Variants in GKAP1 observed in about 807,000 individuals in gnomAD.
GKAP1 encodes the protein G kinase anchoring protein 1, also known as G kinase-anchoring protein 1.
In GKAP1, 31 loss-of-function variants were observed where a neutral mutation model predicts 56.7. That is an observed-to-expected ratio of 0.55 (90% confidence interval 0.41 to 0.74). The LOEUF is 0.74. Ranked by LOEUF, GKAP1 falls within the 30% of genes least tolerant of loss-of-function variation. GKAP1 has a pLI of 0.00. For missense variants in GKAP1, 364 were observed against 402.3 expected, an observed-to-expected ratio of 0.90 and a Z score of 0.82; for synonymous variants, 151 against 138.6, an observed-to-expected ratio of 1.09 and a Z score of -0.63.
chr9:83,753,079 A>AT (rs141957346), intron 9 of GKAP1, among the ~76,000 whole-genome samples, 179 bp downstream of exon 9: 77,471 of 142,886 alleles, frequency 0.54, 21,287 homozygotes, highest in Admixed American at 0.69. Context: ...CAACAACAAC[A>AT]ACATAAATAA....
At chr9:83,788,752 T>C in intron 4 of GKAP1, 74 bp from the exon 5 acceptor site, 1 of 827,426 alleles carries the variant, frequency 1.2e-6, no homozygotes, top group African/African-American at 1.7e-5. Flanking sequence ...TACATATTAC[T>C]ATATACAGAG....
At chr9:83,742,908 G>C (rs1258457326) in intron 10 of GKAP1, among the ~76,000 whole-genome samples, 1 of 152,172 alleles carries the variant, frequency 6.6e-6, no homozygotes, top group Non-Finnish European at 1.5e-5. Flanking sequence ...TATAATCCCA[G>C]CACTTTGGGA....
At chr9:83,757,234 G>A (rs940349610) in intron 8 of GKAP1, among the ~76,000 whole-genome samples, 8 of 152,166 alleles carry the variant, frequency 5.3e-5, no homozygotes, top group Non-Finnish European at 1.5e-5. Flanking sequence ...CTTGAATAAA[G>A]CTGGGACCCA....
intron 2 of GKAP1, among the ~76,000 whole-genome samples, chr9:83,808,422 C>T (rs1944467306): frequency 6.6e-6 from 1 of 152,024 alleles, no homozygotes; most frequent in South Asian, 2.1e-4. Context: ...ATAGTGAGAC[C>T]CTGTCTCTAC....
intron 12 of GKAP1, among the ~76,000 whole-genome samples, 173 bp from the exon 13 acceptor site, chr9:83,739,917 T>A (rs1435448236): frequency 6.6e-6 from 1 of 152,196 alleles, no homozygotes; most frequent in Non-Finnish European, 1.5e-5. Flanking sequence ...AATATGGTTA[T>A]TTTTTATAAA....
At chr9:83,806,613 G>GT in intron 2 of GKAP1, 53 bp from the exon 3 acceptor site, 4 of 1,003,376 alleles carry the variant, frequency 4.0e-6, no homozygotes, top group Non-Finnish European at 4.4e-6. Context: ...AGTAAAATCT[G>GT]TTGTAGATTC....
chr9:83,799,301 G>C lies in GKAP1; in HGVS notation c.244C>G (p.Pro82Ala), dbSNP rs1944295163. ...CAAACAGCATGGGAGGATTTCTGGGGAATTTTCTTAAAAGCAAGATTCCTG... is the reference window on the plus strand; with the variant it reads ...CAAACAGCATGGGAGGATTTCTGGGCAATTTTCTTAAAAGCAAGATTCCTG... ...ELRNLAFKKI[P>A]QKSSHAVCNA... Residue 82 changes from proline to alanine, a missense_variant, in exon 4 of 13, where the codon CCC (proline) becomes GCC (alanine). Physicochemically the swap from Pro to Ala is conservative, Grantham distance 27. Transcript: ENST00000376371. The C allele has an allele frequency of 6.3e-7, 1 of 1,594,544 alleles. No individual in the cohort carries two copies. Among genetic ancestry groups the C allele is most frequent in the African/African-American group, 1.4e-5 (1 of 73,476 alleles).
At position 83,756,791 on chromosome 9, in the gene GKAP1, T is replaced by C. The variant is rs1343907450; in HGVS notation, c.739-3432A>G. Among the ~76,000 whole-genome samples the C allele has an allele frequency of 4.6e-5, 7 of 152,302 alleles. No individual in the cohort carries two copies. The East Asian group carries it at 1.2e-3, about 25-fold the overall frequency. On this transcript the variant is annotated intron_variant, in intron 8 of 12. Transcript: ENST00000376371. Reference sequence around the variant, plus strand: ...CTTAACACAGTGCCTGGCATATACATAGCAAACCTCAAATACTTATTTTTG... The same window carrying C: ...CTTAACACAGTGCCTGGCATATACACAGCAAACCTCAAATACTTATTTTTG...
chr9:83,796,060 A>G (rs1321167864), intron 4 of GKAP1, among the ~76,000 whole-genome samples: 2 of 152,060 alleles, frequency 1.3e-5, no homozygotes, highest in African/African-American at 4.8e-5. Context: ...AAACGCTTAA[A>G]TTTGGTGTTC....
chr9:83,767,779 T>TGG (rs1943689039), intron 8 of GKAP1, among the ~76,000 whole-genome samples: 1 of 152,152 alleles, frequency 6.6e-6, no homozygotes, highest in Admixed American at 6.6e-5. Flanking sequence ...CCCCACCTCC[T>TGG]GGGTTCAAGC....
chr9:83,785,344 A>G (rs1261805883), intron 5 of GKAP1, among the ~76,000 whole-genome samples: 1 of 151,160 alleles, frequency 6.6e-6, no homozygotes, highest in African/African-American at 2.4e-5. Context: ...CCCACTCTTA[A>G]CCTATTTTTT....
chr9:83,779,472 T>TCCATAC (rs1564201478), intron 7 of GKAP1, among the ~76,000 whole-genome samples: 1 of 117,750 alleles, frequency 8.5e-6, no homozygotes, highest in Admixed American at 8.4e-5. Context: ...CACGCACATA[T>TCCATAC]ACATATACAT....
chr9:83,802,026 G>C (rs551043906), intron 3 of GKAP1, among the ~76,000 whole-genome samples: 7 of 152,226 alleles, frequency 4.6e-5, no homozygotes, highest in East Asian at 3.9e-4. Flanking sequence ...TAAAAAGAAA[G>C]GTCCTTATAT....
intron 4 of GKAP1, among the ~76,000 whole-genome samples, chr9:83,797,970 C>A (rs977018384): frequency 1.3e-4 from 19 of 151,938 alleles, no homozygotes; most frequent in Admixed American, 2.6e-4. Context: ...AAGAATCAAC[C>A]CCTAGAAACA....
chr9:83,739,817 T>C (rs568665080), intron 12 of GKAP1, 73 bp from the exon 13 acceptor site: 33 of 1,232,708 alleles, frequency 2.7e-5, no homozygotes, highest in Admixed American at 1.0e-4. Flanking sequence ...TTAAAAAATA[T>C]AGACCAAAGG....
intron 7 of GKAP1, among the ~76,000 whole-genome samples, chr9:83,770,107 T>G (rs760534926): frequency 6.6e-6 from 1 of 152,230 alleles, no homozygotes; most frequent in Non-Finnish European, 1.5e-5. Context: ...GTCTATATCT[T>G]ATTGAATATG....
chr9:83,797,044 T>A (rs1039789187), intron 4 of GKAP1, among the ~76,000 whole-genome samples: 12 of 152,198 alleles, frequency 7.9e-5, no homozygotes, highest in Non-Finnish European at 1.5e-4. Flanking sequence ...CTTCCATTGA[T>A]ACAAGATCAA....
intron 8 of GKAP1, among the ~76,000 whole-genome samples, chr9:83,765,651 C>T (rs190319959): frequency 6.6e-5 from 10 of 152,282 alleles, no homozygotes; most frequent in African/African-American, 1.4e-4. Flanking sequence ...GACCTGCATG[C>T]GAGATGTGGA....
At chr9:83,803,788 C>T (rs1467389176) in intron 3 of GKAP1, among the ~76,000 whole-genome samples, 12 of 150,602 alleles carry the variant, frequency 8.0e-5, no homozygotes, top group Non-Finnish European at 1.2e-4. Context: ...GCCCGGCCGC[C>T]ATCCCATCTA....
Sources: gnomAD v4.1 joint callset for allele counts (sites outside exome capture counted in the v4.1 genomes callset) on GRCh38, gnomAD v4.1.1 for gene constraint, MANE v1.5 for transcripts, NCBI Gene and HGNC (gene_info 2026-07-23, HGNC 2026-07-21) for gene names.